The following EFCAB5 variants were observed in gnomAD, a reference collection of about 807,000 sequenced individuals.
EFCAB5 encodes the protein EF-hand calcium-binding domain-containing protein 5.
A neutral mutation model predicts 167.9 loss-of-function variants in EFCAB5; 131 were observed. The ratio of observed to expected loss-of-function variants is 0.78; its 90% confidence interval spans 0.68 to 0.90. EFCAB5 has a LOEUF of 0.90. Ranked by LOEUF, EFCAB5 falls within the 40% of genes least tolerant of loss-of-function variation. The pLI is 0.00. For missense variants in EFCAB5, 1,663 were observed against 1,745.2 expected, an observed-to-expected ratio of 0.95 and a Z score of 0.84; for synonymous variants, 574 against 602.8, an observed-to-expected ratio of 0.95 and a Z score of 0.70.
rs746640092 is a variant in EFCAB5 at position 30,091,873 on chromosome 17, A to G, written c.3940A>G (p.Ile1314Val). ...GAGCTATCATTTTGTTATTCCAGAG[A>G]TTGAAAATGTCAGGGAAGTCCAGCG... is the stretch of plus-strand genomic sequence containing the variant. Reference protein sequence around the residue: ...GEIKKKYILEIENVREVQRAG... With the variant: ...GEIKKKYILEVENVREVQRAG... Residue 1314 changes from isoleucine to valine, a missense_variant and splice_region_variant, in exon 21 of 23, where the codon ATT becomes GTT. Ile to Val is a conservative substitution (Grantham distance 29). Coordinates refer to ENST00000394835, the MANE Select transcript of EFCAB5 (RefSeq NM_198529.4). 10 of 1,613,224 alleles carry G rather than the reference A, an allele frequency of 6.2e-6. No individual in the cohort carries two copies. In the Admixed American group the frequency reaches 1.7e-4, roughly 27 times the overall value.
At position 30,058,338 on chromosome 17, in the gene EFCAB5, T is replaced by G; in HGVS notation, c.2580+448T>G. Among the ~76,000 whole-genome samples, 2 of 152,214 alleles carry G rather than the reference T, an allele frequency of 1.3e-5. 1 individual carries two copies. ...ACTACTTACTTGGGTGACAGGTAAG[T>G]GCATACACATTAGCTTATATAAACA... On this transcript the variant is annotated intron_variant, in intron 13 of 22. Coordinates refer to ENST00000394835, the MANE Select transcript of EFCAB5 (RefSeq NM_198529.4).
chr17:30,008,300 T>G (rs1388012425), intron 7 of EFCAB5, among the ~76,000 whole-genome samples: 1 of 151,842 alleles, frequency 6.6e-6, no homozygotes, highest in African/African-American at 2.4e-5. Context: ...TGTGAAAATT[T>G]TATATTTTAA....
At chr17:29,967,102 A>G (rs959071489) in intron 3 of EFCAB5, among the ~76,000 whole-genome samples, 1 of 152,160 alleles carries the variant, frequency 6.6e-6, no homozygotes, top group Admixed American at 6.5e-5. Context: ...ATTCTTTTAA[A>G]GACTCCTTAC....
At chr17:30,009,593 T>C (rs1385823895) in intron 7 of EFCAB5, among the ~76,000 whole-genome samples, 1 of 152,226 alleles carries the variant, frequency 6.6e-6, no homozygotes, top group Non-Finnish European at 1.5e-5. Flanking sequence ...CCAAATGATA[T>C]TCCTTTTTAT....
At chr17:30,104,763 C>T (rs1032558968) in intron 22 of EFCAB5, among the ~76,000 whole-genome samples, 2 of 152,028 alleles carry the variant, frequency 1.3e-5, no homozygotes, top group Non-Finnish European at 2.9e-5. Context: ...CGGTCGTTAA[C>T]GCATCAACCT....
intron 14 of EFCAB5, among the ~76,000 whole-genome samples, chr17:30,061,547 A>C (rs2070426029): frequency 1.3e-5 from 2 of 152,156 alleles, no homozygotes. Context: ...ATGGAAGAGG[A>C]AGGTTGAAAC....
rs2069557512 is a variant in EFCAB5 at position 30,034,234 on chromosome 17, T to C, written c.1049T>C (p.Ile350Thr). 1 of 1,613,850 alleles carries C rather than the reference T, an allele frequency of 6.2e-7. No homozygotes were observed. Among genetic ancestry groups the C allele is most frequent in the Non-Finnish European group, 8.5e-7 (1 of 1,179,830 alleles). ...CCTCTTTTTTTTCCCCTGTAGTACA[T>C]CTCTTCACATATTAAAGACTTGAAG... ...RLNKMEFTEYISSHIKDLKSE... is the reference protein window; with the variant it reads ...RLNKMEFTEYTSSHIKDLKSE... Residue 350 changes from isoleucine to threonine, a missense_variant, in exon 8 of 23, where the codon ATC becomes ACC. Coordinates refer to ENST00000394835, the MANE Select transcript of EFCAB5 (RefSeq NM_198529.4).
rs916535156 is a variant in EFCAB5 at position 29,953,572 on chromosome 17, G to A, written c.190+9923G>A. On this transcript the variant is annotated intron_variant, in intron 3 of 22. Coordinates refer to ENST00000394835, the MANE Select transcript of EFCAB5 (RefSeq NM_198529.4). ...CTTTGCTCCTTCTTTGCCTTCCACC[G>A]TCATTGTGAGGCCTCCCCAGCCACA... Among the ~76,000 whole-genome samples, 40 of 152,076 alleles carry A rather than the reference G, an allele frequency of 2.6e-4. 1 individual carries two copies. Among genetic ancestry groups the A allele is most frequent in the Non-Finnish European group, 4.4e-4 (30 of 68,004 alleles).
At chr17:30,035,920 A>G (rs1348087990) in intron 8 of EFCAB5, among the ~76,000 whole-genome samples, 1 of 151,784 alleles carries the variant, frequency 6.6e-6, no homozygotes, top group South Asian at 2.1e-4. Context: ...AGAGTCTCAA[A>G]AAAAGAAGTT....
Position 30,054,085 on chromosome 17 carries a change from A to G in EFCAB5, c.2131A>G (p.Ile711Val), listed in dbSNP as rs1230816895. Residue 711 changes from isoleucine to valine, a missense_variant, in exon 10 of 23, where the codon ATA (isoleucine) becomes GTA (valine). By Grantham distance (29) the Ile-to-Val change is conservative. Coordinates refer to ENST00000394835, the MANE Select transcript of EFCAB5 (RefSeq NM_198529.4). Reference sequence around the variant, plus strand: ...TTGGGAACAAACATATGAAGAGGAAATATTCCTGAGTTCTGAACTGCAAGA... The same window carrying G: ...TTGGGAACAAACATATGAAGAGGAAGTATTCCTGAGTTCTGAACTGCAAGA... ...RSWEQTYEEEIFLSSELQEEV... is the reference protein window; with the variant it reads ...RSWEQTYEEEVFLSSELQEEV... 1.9e-6 allele frequency: 3 copies of G among 1,587,956 alleles called. No individual in the cohort carries two copies. Among genetic ancestry groups the G allele is most frequent in the Non-Finnish European group, 2.6e-6 (3 of 1,166,080 alleles).
chr17:30,054,859 A>C (rs1233800703), intron 10 of EFCAB5, among the ~76,000 whole-genome samples: 1 of 152,182 alleles, frequency 6.6e-6, no homozygotes, highest in Non-Finnish European at 1.5e-5. Flanking sequence ...TAGCTGCTGG[A>C]TTATCAGATT....
At chr17:29,983,376 T>G (rs1047758191) in intron 4 of EFCAB5, among the ~76,000 whole-genome samples, 6 of 152,230 alleles carry the variant, frequency 3.9e-5, no homozygotes, top group African/African-American at 1.2e-4. Context: ...ACTTTTCAAC[T>G]TTCTGCTTAC....
At position 30,053,332 on chromosome 17, in the gene EFCAB5, G is replaced by A. The variant is rs746071004; in HGVS notation, c.1378G>A (p.Gly460Ser). 1.1e-5 allele frequency: 18 copies of A among 1,613,772 alleles called. No individual in the cohort carries two copies. The East Asian group carries it at 2.0e-4, about 18-fold the overall frequency. ...GGATAATCAGAAACACATTTATGAAGGTTTTGACAAAGTGCTCTTGGAGAT... is the reference window on the plus strand; with the variant it reads ...GGATAATCAGAAACACATTTATGAAAGTTTTGACAAAGTGCTCTTGGAGAT... ...DMDNQKHIYE[G>S]FDKVLLEMNT... Residue 460 changes from glycine to serine, a missense_variant, in exon 10 of 23, where the codon GGT becomes AGT. Physicochemically the swap from Gly to Ser is moderately conservative, Grantham distance 56 (BLOSUM62 0). Transcript: ENST00000394835.
chr17:29,944,365 G>C (rs1432255719), intron 3 of EFCAB5, among the ~76,000 whole-genome samples: 2 of 152,132 alleles, frequency 1.3e-5, no homozygotes, highest in Non-Finnish European at 2.9e-5. Context: ...ATAGGCCAGA[G>C]GGTATTTTAA....
chr17:29,960,370 G>A (rs1197906966), intron 3 of EFCAB5, among the ~76,000 whole-genome samples: 2 of 152,206 alleles, frequency 1.3e-5, no homozygotes, highest in Non-Finnish European at 1.5e-5. Flanking sequence ...GTTCCTGTGA[G>A]GGGGATGATC....
chr17:30,058,504 T>G (rs2070337756), intron 13 of EFCAB5, among the ~76,000 whole-genome samples: 1 of 152,196 alleles, frequency 6.6e-6, no homozygotes, highest in South Asian at 2.1e-4. Context: ...AATCAAAAGG[T>G]GTATATTCAT....
intron 7 of EFCAB5, among the ~76,000 whole-genome samples, chr17:30,021,448 T>A (rs536837146): frequency 1.4e-5 from 2 of 147,936 alleles, no homozygotes; most frequent in Admixed American, 6.8e-5. Flanking sequence ...TAAATATTTA[T>A]ATATAAATAT....
chr17:30,056,010 A>C (rs1459240053), intron 11 of EFCAB5, 45 bp downstream of exon 11: 4 of 1,613,100 alleles, frequency 2.5e-6, no homozygotes, highest in Non-Finnish European at 3.4e-6. Flanking sequence ...CCTAGAACAA[A>C]AATATTGTGA....
intron 4 of EFCAB5, among the ~76,000 whole-genome samples, chr17:29,973,777 G>GT: frequency 6.6e-6 from 1 of 151,588 alleles, no homozygotes; most frequent in East Asian, 2.0e-4. Flanking sequence ...CGCCTGGCCT[G>GT]TATTTCCTTT....
Sources: allele counts gnomAD v4.1 joint callset (sites outside exome capture counted in the v4.1 genomes callset), GRCh38; gene constraint gnomAD v4.1.1; transcripts MANE v1.5; gene names NCBI Gene and HGNC (gene_info 2026-07-23, HGNC 2026-07-21).